Variants in TRAK1 observed in about 807,000 individuals in gnomAD.
TRAK1 encodes the protein trafficking kinesin-binding protein 1.
TRAK1 carries 33 observed loss-of-function variants against 92.1 expected under a neutral mutation model. That is an observed-to-expected ratio of 0.36 (90% CI 0.27 to 0.48). The LOEUF is 0.48. TRAK1 is among the 20% of genes least tolerant of loss of function. The pLI, the probability that TRAK1 is intolerant of heterozygous loss-of-function variation, is 0.99. For missense variants in TRAK1, 1,123 were observed against 1,257.9 expected, an observed-to-expected ratio of 0.89 and a Z score of 1.62; for synonymous variants, 521 against 517.3, an observed-to-expected ratio of 1.01 and a Z score of -0.10.
chr3:42,039,971 A>ATG (rs1361843692), intron 1 of TRAK1, among the ~76,000 whole-genome samples: 2 of 151,972 alleles, frequency 1.3e-5, no homozygotes, highest in Non-Finnish European at 2.9e-5. Flanking sequence ...ACGGCTGATG[A>ATG]TGTTGAGCAT....
chr3:42,133,976 A>G (rs1697551958), intron 2 of TRAK1, among the ~76,000 whole-genome samples: 1 of 152,230 alleles, frequency 6.6e-6, no homozygotes, highest in East Asian at 1.9e-4. Context: ...GAAATAATAA[A>G]CACATTGATA....
intron 2 of TRAK1, among the ~76,000 whole-genome samples, chr3:42,141,889 A>C (rs1698705616): frequency 6.6e-6 from 1 of 152,124 alleles, no homozygotes; most frequent in African/African-American, 2.4e-5. Flanking sequence ...TAATCCCAGC[A>C]CTTTGGGAGG....
intron 2 of TRAK1, among the ~76,000 whole-genome samples, chr3:42,159,768 G>T (rs1186885050): frequency 1.3e-5 from 2 of 152,140 alleles, no homozygotes; most frequent in Non-Finnish European, 2.9e-5. Flanking sequence ...TCCTTCCTCT[G>T]CTCAGCGCTG....
intron 1 of TRAK1, among the ~76,000 whole-genome samples, chr3:42,042,635 T>A (rs927273868): frequency 1.3e-5 from 2 of 151,800 alleles, no homozygotes; most frequent in African/African-American, 2.4e-5. Flanking sequence ...CCTCCCAAAG[T>A]GCTGGGATTA....
intron 2 of TRAK1, among the ~76,000 whole-genome samples, chr3:42,167,919 T>A (rs1055395551): frequency 1.3e-5 from 2 of 152,110 alleles, no homozygotes; most frequent in African/African-American, 4.8e-5. Flanking sequence ...CCAAGTAATG[T>A]GTGTCTTAGG....
intron 1 of TRAK1, among the ~76,000 whole-genome samples, chr3:42,022,994 T>G (rs1352927671): frequency 6.6e-6 from 1 of 151,298 alleles, no homozygotes; most frequent in Non-Finnish European, 1.5e-5. Flanking sequence ...CTGTCTCCAC[T>G]AAAAATACAA....
chr3:42,194,806 G>T lies in TRAK1; in HGVS notation c.978G>T (p.Leu326=). 1 of 1,613,432 alleles carries T rather than the reference G, an allele frequency of 6.2e-7. No individual in the cohort carries two copies. The highest frequency in any genetic ancestry group is 8.5e-7 in the Non-Finnish European group (1 of 1,179,712). The change falls in exon 10 of 16, where the codon CTG becomes CTT. Residue 326 remains leucine, a splice_region_variant and synonymous_variant. Transcript: ENST00000327628. ...CTCTGTGTCTTTCCTGCCTGCAGCT[G>T]CGTGAGCTGGAGGACAAGTACGCAG... The part of the protein sequence containing the change: ...KDAQRQLTAE[L]RELEDKYAEC...
intron 2 of TRAK1, among the ~76,000 whole-genome samples, chr3:42,150,814 C>A (rs941064075): frequency 2.0e-5 from 3 of 152,178 alleles, no homozygotes; most frequent in African/African-American, 7.2e-5. Flanking sequence ...CATGTTCGTT[C>A]TGTGTACATC....
intron 1 of TRAK1, among the ~76,000 whole-genome samples, chr3:42,095,718 G>GTCATCGTCATCATCA (rs778708244): frequency 2.6e-5 from 4 of 151,188 alleles, no homozygotes; most frequent in African/African-American, 4.9e-5. Context: ...CTTTATCATC[G>GTCATCGTCATCATCA]TCATCATCAT....
intron 1 of TRAK1, among the ~76,000 whole-genome samples, chr3:42,037,422 T>C (rs1283016789): frequency 6.6e-6 from 1 of 152,206 alleles, no homozygotes; most frequent in Non-Finnish European, 1.5e-5. Flanking sequence ...CTGCAGATGT[T>C]CAGGACCTAG....
At chr3:42,196,068 C>T (rs572606286) in intron 10 of TRAK1, among the ~76,000 whole-genome samples, 37 of 152,300 alleles carry the variant, frequency 2.4e-4, no homozygotes, top group African/African-American at 8.4e-4. Flanking sequence ...TGAGAAAAGT[C>T]GAATTGAAAT....
chr3:42,114,271 G>A (rs1317313219), intron 1 of TRAK1, among the ~76,000 whole-genome samples: 1 of 152,172 alleles, frequency 6.6e-6, no homozygotes, highest in South Asian at 2.1e-4. Context: ...CTAAGAACAC[G>A]GGTGTATAAA....
intron 1 of TRAK1, among the ~76,000 whole-genome samples, chr3:42,110,094 G>GTATATATATATATATATATATATATATA (rs375315730): frequency 1.8e-4 from 15 of 83,226 alleles, no homozygotes; most frequent in East Asian, 3.1e-4. Context: ...AGAACTTAAA[G>GTATATATATATATATATATATATATATA]TATATATATA....
At chr3:42,162,511 C>T (rs1281152988) in intron 2 of TRAK1, among the ~76,000 whole-genome samples, 3 of 151,996 alleles carry the variant, frequency 2.0e-5, no homozygotes, top group Admixed American at 6.6e-5. Flanking sequence ...ATAGATAATG[C>T]ATTTTCTAAT....
chr3:42,167,931 C>G (rs543096837), intron 2 of TRAK1, among the ~76,000 whole-genome samples: 1 of 152,258 alleles, frequency 6.6e-6, no homozygotes, highest in South Asian at 2.1e-4. Flanking sequence ...TGTCTTAGGG[C>G]TTAGTAGTTA....
intron 2 of TRAK1, among the ~76,000 whole-genome samples, chr3:42,142,870 AGTGCATGGTAC>A (rs1698844098): frequency 1.3e-5 from 2 of 152,324 alleles, no homozygotes; most frequent in South Asian, 4.1e-4. Flanking sequence ...GTCACAACAC[AGTGCATGGTAC>A]GTGCATGGTA....
Position 42,186,183 on chromosome 3 carries a change from T to C in TRAK1, c.480+1382T>C, listed in dbSNP as rs912195009. Among the ~76,000 whole-genome samples the C allele has an allele frequency of 1.1e-4, 17 of 151,924 alleles. No individual in the cohort carries two copies. The South Asian group carries it at 3.1e-3, about 28-fold the overall frequency. Reference sequence around the variant, plus strand: ...TTTTTTATAGAGAAGGGTTTCACCATGTTGTCCAGGCTGGTCTCAAACTCC... The same window carrying C: ...TTTTTTATAGAGAAGGGTTTCACCACGTTGTCCAGGCTGGTCTCAAACTCC... On this transcript the variant is annotated intron_variant, in intron 4 of 15. Transcript: ENST00000327628.
intron 1 of TRAK1, among the ~76,000 whole-genome samples, chr3:42,117,701 C>A (rs146410509): frequency 6.6e-6 from 1 of 152,292 alleles, no homozygotes; most frequent in Non-Finnish European, 1.5e-5. Context: ...TTGGAATGAT[C>A]GCACTCCCTC....
chr3:42,055,628 A>G (rs1224640669), intron 1 of TRAK1, among the ~76,000 whole-genome samples: 2 of 152,032 alleles, frequency 1.3e-5, no homozygotes, highest in East Asian at 3.9e-4. Flanking sequence ...ATGCTCTGCT[A>G]ATTTTTTAAT....
Sources: allele counts gnomAD v4.1 joint callset (sites outside exome capture counted in the v4.1 genomes callset), GRCh38; gene constraint gnomAD v4.1.1; transcripts MANE v1.5; gene names NCBI Gene and HGNC (gene_info 2026-07-23, HGNC 2026-07-21).